GABRG2: variants seen among roughly 807,000 people sequenced by gnomAD.
GABRG2 encodes gamma-aminobutyric acid type A receptor subunit gamma2, also known as gamma-aminobutyric acid receptor subunit gamma-2.
A neutral mutation model predicts 56.4 loss-of-function variants in GABRG2; 16 were observed. The ratio of observed to expected loss-of-function variants is 0.28; its 90% confidence interval spans 0.19 to 0.43. The LOEUF (loss-of-function observed/expected upper bound fraction) is 0.43, where lower values mean the gene tolerates loss of function less well. GABRG2 is among the 20% of genes least tolerant of loss of function. The pLI, the probability that GABRG2 is intolerant of heterozygous loss-of-function variation, is 1.00. For synonymous variants in GABRG2, 208 were observed against 205.5 expected, an observed-to-expected ratio of 1.01 and a Z score of -0.10; for missense variants, 327 against 582.7, an observed-to-expected ratio of 0.56 and a Z score of 4.52.
chr5:162,118,031 G>A (rs577793902), intron 6 of GABRG2, among the ~76,000 whole-genome samples: 16 of 152,166 alleles, frequency 1.1e-4, no homozygotes, highest in Non-Finnish European at 2.2e-4. Flanking sequence ...TCCTGAGCCA[G>A]TATTTGATTT....
chr5:162,148,842 A>C (rs1231493449), intron 7 of GABRG2, among the ~76,000 whole-genome samples: 1 of 152,202 alleles, frequency 6.6e-6, no homozygotes, highest in Non-Finnish European at 1.5e-5. Flanking sequence ...CTCTGCTGAC[A>C]TGATTCACAG....
intron 5 of GABRG2, 199 bp downstream of exon 5, chr5:162,101,516 T>G (rs1761415234): frequency 3.3e-6 from 2 of 602,728 alleles, no homozygotes; most frequent in African/African-American, 3.7e-5. Context: ...AAGGGCTGAT[T>G]TTATTAAGAA....
At chr5:162,102,543 G>C (rs1328607118) in intron 5 of GABRG2, 1 of 453,982 alleles carries the variant, frequency 2.2e-6, no homozygotes, top group Non-Finnish European at 4.4e-6. Context: ...GTTTTGTTTT[G>C]TTTTGGACAG....
At chr5:162,139,337 T>C (rs555899925) in intron 6 of GABRG2, among the ~76,000 whole-genome samples, 5 of 152,320 alleles carry the variant, frequency 3.3e-5, no homozygotes, top group African/African-American at 1.2e-4. Flanking sequence ...GGGATTTGAT[T>C]TTATAGGCTC....
At chr5:162,151,493 T>C (rs1016991028) in intron 8 of GABRG2, 1 of 478,792 alleles carries the variant, frequency 2.1e-6, no homozygotes. Flanking sequence ...AGTCAAGTAA[T>C]TGTAGATTAA....
At chr5:162,097,895 A>G in intron 4 of GABRG2, 37 bp downstream of exon 4, 1 of 1,545,554 alleles carries the variant, frequency 6.5e-7, no homozygotes. Flanking sequence ...AATTGTTAGG[A>G]AGAAAACAAA....
At chr5:162,151,649 G>A (rs1765377765) in intron 8 of GABRG2, 81 bp from the exon 9 acceptor site, 2 of 1,187,952 alleles carry the variant, frequency 1.7e-6, no homozygotes, top group African/African-American at 1.5e-5. Flanking sequence ...AATTTATCTT[G>A]TCTCTCTCTT....
In GABRG2 at chr5:162,109,389, AATATATATATAT is replaced by A. The variant is rs535370579; in HGVS notation, c.769+5386_769+5397del. ...ACATGTACCCTAGAACTTAAAGTAT[AATATATATATAT>A]ATATATATATATATATATATATTTA... On this transcript the variant is annotated intron_variant, in intron 6 of 9. Coordinates refer to ENST00000639213, the MANE Select transcript of GABRG2 (RefSeq NM_198904.4). 9.2e-3 allele frequency among the ~76,000 whole-genome samples: 1,071 copies of A among 116,230 alleles called. 25 individuals carry two copies. The highest frequency in any genetic ancestry group is 0.022 in the African/African-American group (585 of 26,004). 76.3% of individuals were successfully genotyped at this position (116,230 alleles called of 152,430 possible). A position where few individuals can be genotyped will look rare whatever the true frequency, so the allele number is the denominator to read the frequency against.
intron 1 of GABRG2, among the ~76,000 whole-genome samples, chr5:162,092,942 A>G (rs1760716095): frequency 6.6e-6 from 1 of 152,092 alleles, no homozygotes; most frequent in Non-Finnish European, 1.5e-5. Flanking sequence ...AAATATCATC[A>G]TCTTGGCGGG....
intron 6 of GABRG2, among the ~76,000 whole-genome samples, chr5:162,116,113 T>C (rs1157809410): frequency 1.2e-5 from 1 of 80,354 alleles, no homozygotes. Context: ...TGCGTGCATG[T>C]GTGTGTGTGT....
At chr5:162,108,749 C>T (rs210987) in intron 6 of GABRG2, among the ~76,000 whole-genome samples, 81,961 of 151,968 alleles carry the variant, frequency 0.54, 24,248 homozygotes, top group South Asian at 0.69. Context: ...ATCTGCCTGA[C>T]AAGTGGGAAG....
intron 8 of GABRG2, chr5:162,149,666 T>G: frequency 1.7e-6 from 1 of 601,694 alleles, no homozygotes; most frequent in Non-Finnish European, 3.2e-6. Flanking sequence ...CAGGCTGGAG[T>G]GCAGTGGCGG....
chr5:162,122,612 A>G (rs996275818), intron 6 of GABRG2, among the ~76,000 whole-genome samples: 12 of 151,738 alleles, frequency 7.9e-5, no homozygotes, highest in Non-Finnish European at 1.5e-4. Flanking sequence ...CAGACCACCC[A>G]TTATATTTCA....
chr5:162,067,500 A>T (rs1758301326), upstream of GABRG2: 1 of 423,900 alleles, frequency 2.4e-6, no homozygotes. Flanking sequence ...TCTGCGTGAT[A>T]GTTAATCACG....
At chr5:162,085,571 C>CT (rs1261726164) in intron 1 of GABRG2, among the ~76,000 whole-genome samples, 54 of 125,354 alleles carry the variant, frequency 4.3e-4, no homozygotes, top group South Asian at 2.3e-3. Flanking sequence ...TTTTTTTTTA[C>CT]TTTTTTTTTT....
At chr5:162,152,070 G>A (rs140242740) in intron 9 of GABRG2, 4 of 282,426 alleles carry the variant, frequency 1.4e-5, no homozygotes, top group Admixed American at 4.9e-5. Context: ...TACTGATTAC[G>A]ACTACCAAGT....
chr5:162,094,147 G>A, intron 2 of GABRG2, 168 bp downstream of exon 2: 1 of 662,814 alleles, frequency 1.5e-6, no homozygotes, highest in East Asian at 2.8e-5. Context: ...AGTGGGAGAG[G>A]TGTCAATACA....
chr5:162,087,295 G>A (rs947895871), intron 1 of GABRG2, among the ~76,000 whole-genome samples: 4 of 151,962 alleles, frequency 2.6e-5, no homozygotes, highest in East Asian at 3.9e-4. Flanking sequence ...AAGCTCATGC[G>A]CTTTTGGGGA....
At chr5:162,116,417 T>C (rs888747760) in intron 6 of GABRG2, among the ~76,000 whole-genome samples, 1 of 151,486 alleles carries the variant, frequency 6.6e-6, no homozygotes, top group Non-Finnish European at 1.5e-5. Context: ...CAGTGTTTCT[T>C]TATTCTGTGG....
Sources: gnomAD v4.1 joint callset for allele counts (sites outside exome capture counted in the v4.1 genomes callset) on GRCh38, gnomAD v4.1.1 for gene constraint, MANE v1.5 for transcripts, NCBI Gene and HGNC (gene_info 2026-07-23, HGNC 2026-07-21) for gene names.